The following SEC22C variants were observed in gnomAD, a reference collection of about 807,000 sequenced individuals.
SEC22C encodes the protein vesicle-trafficking protein SEC22c.
Under a neutral mutation model 34.7 loss-of-function variants are expected in SEC22C, and 29 were observed. That is an observed-to-expected ratio of 0.84 (90% CI 0.62 to 1.14). The LOEUF is 1.14. SEC22C is among the 50% of genes most tolerant of loss of function. The pLI, the probability that SEC22C is intolerant of heterozygous loss-of-function variation, is 0.00. For missense variants in SEC22C, 337 were observed against 369.0 expected, an observed-to-expected ratio of 0.91 and a Z score of 0.71; for synonymous variants, 117 against 132.8, an observed-to-expected ratio of 0.88 and a Z score of 0.82.
intron 1 of SEC22C, among the ~76,000 whole-genome samples, chr3:42,589,497 C>A (rs931119352): frequency 1.3e-5 from 2 of 152,082 alleles, no homozygotes; most frequent in African/African-American, 4.8e-5. Flanking sequence ...ATCTTGTTAC[C>A]ACATCCACCA....
At chr3:42,560,663 G>T (rs565284470) in intron 4 of SEC22C, among the ~76,000 whole-genome samples, 2 of 151,890 alleles carry the variant, frequency 1.3e-5, no homozygotes, top group Non-Finnish European at 2.9e-5. Context: ...TTGAGACAGG[G>T]TCTCATTCTG....
chr3:42,601,001 G>T, exon 1 of SEC22C: 1 of 1,562,940 alleles, frequency 6.4e-7, no homozygotes, highest in Non-Finnish European at 8.6e-7. Context: ...CGCCACCTCG[G>T]TCGCGATGGG....
chr3:42,565,304 G>A (rs965256644), intron 2 of SEC22C, among the ~76,000 whole-genome samples: 1 of 151,996 alleles, frequency 6.6e-6, no homozygotes, highest in Non-Finnish European at 1.5e-5. Context: ...AGGTTATGTT[G>A]TTCTACCAAC....
At chr3:42,555,481 T>C (rs1451401209) in intron 6 of SEC22C, among the ~76,000 whole-genome samples, 2 of 152,210 alleles carry the variant, frequency 1.3e-5, no homozygotes, top group Non-Finnish European at 2.9e-5. Context: ...TGAGCCACAA[T>C]GCCTGCCTAG....
chr3:42,598,702 G>A (rs902166437), intron 1 of SEC22C, among the ~76,000 whole-genome samples: 13 of 152,062 alleles, frequency 8.5e-5, no homozygotes, highest in Non-Finnish European at 1.8e-4. Context: ...TTTACAGAGA[G>A]AAAGTAGAAG....
At chr3:42,598,325 A>C (rs1028472315) in intron 1 of SEC22C, among the ~76,000 whole-genome samples, 13 of 150,884 alleles carry the variant, frequency 8.6e-5, no homozygotes, top group Admixed American at 8.0e-4. Flanking sequence ...CAAAAGAACA[A>C]ATTTTTTTTT....
At chr3:42,591,393 C>G (rs542538901) in intron 1 of SEC22C, 8 of 671,510 alleles carry the variant, frequency 1.2e-5, no homozygotes, top group Non-Finnish European at 2.6e-6. Flanking sequence ...TGGGGTTTCC[C>G]CATGTTGGCC....
At chr3:42,580,790 G>A (rs1026604064) in intron 1 of SEC22C, among the ~76,000 whole-genome samples, 1 of 152,156 alleles carries the variant, frequency 6.6e-6, no homozygotes, top group Non-Finnish European at 1.5e-5. Context: ...GGGAATTACA[G>A]CTACTCCCTT....
Position 42,552,676 on chromosome 3 carries a change from A to G in SEC22C, c.*572T>C. ...TCACCCTAAATGAAGTCCAATTTAT[A>G]TCCAAAATATAATTAAATATTCCAA... On this transcript the variant is annotated 3_prime_UTR_variant, in exon 7 of 7. Transcript: ENST00000264454. The G allele has an allele frequency of 1.0e-6, 1 of 982,552 alleles. No homozygotes were observed. Among genetic ancestry groups the G allele is most frequent in the Non-Finnish European group, 1.2e-6 (1 of 827,278 alleles). 60.9% of individuals were successfully genotyped at this position (982,552 alleles called of 1,614,324 possible).
chr3:42,564,416 TG>T (rs1703110468), intron 2 of SEC22C: 2 of 153,798 alleles, frequency 1.3e-5, no homozygotes, highest in African/African-American at 4.8e-5. Context: ...GACTTTTTTT[TG>T]TAAGAATCCC....
intron 4 of SEC22C, 73 bp from the exon 5 acceptor site, chr3:42,557,769 A>AACTAG: frequency 1.4e-6 from 1 of 738,302 alleles, no homozygotes; most frequent in Non-Finnish European, 2.4e-6. Context: ...CGAAGACATT[A>AACTAG]ACTAGACCTA....
chr3:42,579,368 G>C (rs1360952636), intron 1 of SEC22C: 1 of 151,134 alleles, frequency 6.6e-6, no homozygotes, highest in Non-Finnish European at 1.5e-5. Context: ...TTGGGAGGCT[G>C]AGGCGGGAGG....
chr3:42,568,992 A>G lies in SEC22C; in HGVS notation c.55T>C (p.Ser19Pro), dbSNP rs769085741. 6.2e-7 allele frequency: 1 copy of G among 1,614,152 alleles called. No individual in the cohort carries two copies. Among genetic ancestry groups the G allele is most frequent in the South Asian group, 1.1e-5 (1 of 91,074 alleles). Residue 19 changes from serine to proline, a missense_variant, in exon 2 of 7, where the codon TCA becomes CCA. By Grantham distance (74) the Ser-to-Pro change is moderately conservative. Coordinates refer to ENST00000264454, the MANE Select transcript of SEC22C (RefSeq NM_032970.4). Reference sequence around the variant, plus strand: ...GTGTGGTAAAAATCAGTAGAGGCTGAGAGGGGCAGTCCATCCCTTACCCGT... The same window carrying G: ...GTGTGGTAAAAATCAGTAGAGGCTGGGAGGGGCAGTCCATCCCTTACCCGT... ...VVRVRDGLPL[S>P]ASTDFYHTQD...
chr3:42,549,264 C>T lies in SEC22C; in HGVS notation c.*3984G>A. 2.0e-6 allele frequency: 2 copies of T among 986,222 alleles called. No individual in the cohort carries two copies. Among genetic ancestry groups the T allele is most frequent in the Non-Finnish European group, 2.4e-6 (2 of 830,516 alleles). 61.1% of individuals were successfully genotyped at this position (986,222 alleles called of 1,614,324 possible). On this transcript the variant is annotated 3_prime_UTR_variant, in exon 7 of 7. Coordinates refer to ENST00000264454, the MANE Select transcript of SEC22C (RefSeq NM_032970.4). ...GCACATCTGATCACCATAAATGCTC[C>T]CACCCCTGCCTGTCCTCACTTGTGC...
chr3:42,578,851 T>C lies in SEC22C; in HGVS notation c.-28+2995A>G, dbSNP rs9869625. Reference sequence around the variant, plus strand: ...CTAATTAACTGTAATTTTGATGTTTTATGCATGAACACTGAAGGGCACACT... The same window carrying C: ...CTAATTAACTGTAATTTTGATGTTTCATGCATGAACACTGAAGGGCACACT... On this transcript the variant is annotated intron_variant, in intron 1 of 6. Coordinates refer to ENST00000264454, the MANE Select transcript of SEC22C (RefSeq NM_032970.4). Among the ~76,000 whole-genome samples, 1,081 of 152,368 alleles carry C rather than the reference T, an allele frequency of 7.1e-3. 17 individuals carry two copies. The highest frequency in any genetic ancestry group is 0.025 in the African/African-American group (1,025 of 41,586).
intron 6 of SEC22C, among the ~76,000 whole-genome samples, chr3:42,553,989 C>T (rs1383671535): frequency 2.0e-5 from 3 of 152,230 alleles, no homozygotes; most frequent in Admixed American, 2.0e-4. Flanking sequence ...GGAAAGGTCT[C>T]ACAGCAGGGA....
In SEC22C at chr3:42,550,032, C is replaced by A. The variant is rs1260921338; in HGVS notation, c.*3216G>T. On this transcript the variant is annotated 3_prime_UTR_variant, in exon 7 of 7. Coordinates refer to ENST00000264454, the MANE Select transcript of SEC22C (RefSeq NM_032970.4). ...ACACTTCTCATCACAGTAAGACTAG[C>A]CTAACAGGGGAAAACAGATTTACAT... 8.1e-6 allele frequency: 8 copies of A among 985,306 alleles called. No homozygotes were observed. Among genetic ancestry groups the A allele is most frequent in the African/African-American group, 1.7e-5 (1 of 57,218 alleles). The allele number at this position is 985,306 out of a possible 1,614,324, so 61.0% of individuals were successfully genotyped here.
At chr3:42,600,410 C>G (rs1197868867) in intron 1 of SEC22C, 1 of 152,264 alleles carries the variant, frequency 6.6e-6, no homozygotes, top group Non-Finnish European at 1.5e-5. Flanking sequence ...CACAGCCACA[C>G]CTGACGAGAT....
At chr3:42,557,830 T>C (rs1702623520) in intron 4 of SEC22C, 134 bp from the exon 5 acceptor site, 1 of 490,574 alleles carries the variant, frequency 2.0e-6, no homozygotes, top group Admixed American at 3.7e-5. Context: ...ACATATTAAT[T>C]GTAAAAGCAG....
Sources: gnomAD v4.1 joint callset for allele counts (sites outside exome capture counted in the v4.1 genomes callset) on GRCh38, gnomAD v4.1.1 for gene constraint, MANE v1.5 for transcripts, NCBI Gene and HGNC (gene_info 2026-07-23, HGNC 2026-07-21) for gene names.